ABCC4: variants seen among roughly 807,000 people sequenced by gnomAD.
ABCC4 encodes the protein ATP-binding cassette sub-family C member 4.
ABCC4 carries 102 observed loss-of-function variants against 168.5 expected under a neutral mutation model. The observed-to-expected ratio is 0.61, with a 90% CI of 0.52 to 0.71. ABCC4 has a LOEUF of 0.71. Ranked by LOEUF, ABCC4 falls within the 30% of genes least tolerant of loss-of-function variation. The pLI is 0.00. For synonymous variants in ABCC4, 617 were observed against 590.7 expected (o/e 1.04, Z -0.65); for missense variants, 1,402 against 1,605.8 (o/e 0.87, Z 2.17).
chr13:95,146,745 G>A (rs997779928), intron 19 of ABCC4, among the ~76,000 whole-genome samples: 4 of 152,196 alleles, frequency 2.6e-5, no homozygotes, highest in Non-Finnish European at 5.9e-5. Context: ...GATGAAACAA[G>A]ACAACGGAAG....
At chr13:95,190,813 T>C (rs1678374) in intron 9 of ABCC4, among the ~76,000 whole-genome samples, 76,398 of 152,076 alleles carry the variant, frequency 0.5, 21,671 homozygotes, top group African/African-American at 0.78. Context: ...TTGGAGAGAC[T>C]TGACCATGCA....
chr13:95,095,237 AC>A (rs2034552750), intron 20 of ABCC4, among the ~76,000 whole-genome samples: 1 of 152,192 alleles, frequency 6.6e-6, no homozygotes, highest in South Asian at 2.1e-4. Context: ...AAATCATGGA[AC>A]CAACCCAAAT....
At position 95,190,503 on chromosome 13, in the gene ABCC4, C is replaced by T. The variant is rs1371331169; in HGVS notation, c.1264-1961G>A. On this transcript the variant is annotated intron_variant, in intron 9 of 30. Transcript: ENST00000645237. ...GATAGTTTACCAGAGCATGATAAAC[C>T]AAAATGAGGAGGTTTCCTCTTCTCA... Among the ~76,000 whole-genome samples the T allele has an allele frequency of 2.6e-5, 4 of 151,992 alleles. No homozygotes were observed. The East Asian group carries it at 7.7e-4, about 29-fold the overall frequency.
chr13:95,074,823 C>T (rs1594053136), intron 22 of ABCC4, among the ~76,000 whole-genome samples: 2 of 152,050 alleles, frequency 1.3e-5, no homozygotes, highest in South Asian at 4.1e-4. Context: ...TGTTTGTTTG[C>T]TACTTCTTTT....
intron 1 of ABCC4, among the ~76,000 whole-genome samples, chr13:95,285,861 A>G (rs2041243212): frequency 6.6e-6 from 1 of 152,184 alleles, no homozygotes; most frequent in Admixed American, 6.6e-5. Context: ...CAGCAGAGCT[A>G]TGCCTTGTAA....
At chr13:95,286,175 A>G (rs1261608664) in intron 1 of ABCC4, among the ~76,000 whole-genome samples, 2 of 124,732 alleles carry the variant, frequency 1.6e-5, no homozygotes. Context: ...GCTGGAGTGC[A>G]GTGGCACAAT....
At chr13:95,279,496 G>A (rs1346880140) in intron 1 of ABCC4, among the ~76,000 whole-genome samples, 1 of 152,228 alleles carries the variant, frequency 6.6e-6, no homozygotes, top group Non-Finnish European at 1.5e-5. Context: ...GCCTAAAAAG[G>A]TAGGAAACTG....
At chr13:95,038,652 G>A (rs34820355) in intron 29 of ABCC4, among the ~76,000 whole-genome samples, 2 of 152,130 alleles carry the variant, frequency 1.3e-5, no homozygotes, top group African/African-American at 4.8e-5. Context: ...CAAGGGCAGG[G>A]TTATGTGCTT....
chr13:95,211,230 T>TG (rs1189400719), intron 4 of ABCC4, among the ~76,000 whole-genome samples: 1 of 152,050 alleles, frequency 6.6e-6, no homozygotes, highest in Non-Finnish European at 1.5e-5. Flanking sequence ...GATCACAGGG[T>TG]TTCAATGTGT....
chr13:95,135,416 CTTT>C (rs1226284769), intron 19 of ABCC4, among the ~76,000 whole-genome samples: 4 of 138,864 alleles, frequency 2.9e-5, no homozygotes, highest in Admixed American at 7.3e-5. Flanking sequence ...GTCCATAATT[CTTT>C]TTTTTTTTTT....
In ABCC4 at chr13:95,186,572, C is replaced by T. The variant is rs564228672; in HGVS notation, c.1545+129G>A. ...GTGTGTGTTTATTTACTGGGAGGAC[C>T]GCCTTAAAGTATTAAATAACATTCA... On this transcript the variant is annotated intron_variant, in intron 11 of 30. Transcript: ENST00000645237. 233 of 724,320 alleles carry T rather than the reference C, an allele frequency of 3.2e-4. 7 individuals are homozygous for T. The South Asian group carries it at 5.8e-3, about 18-fold the overall frequency. The allele number at this position is 724,320 out of a possible 1,614,324, so 44.9% of individuals were successfully genotyped here. A position where few individuals can be genotyped will look rare whatever the true frequency, so the allele number is the denominator to read the frequency against.
At chr13:95,049,743 T>C (rs566439382) in intron 27 of ABCC4, among the ~76,000 whole-genome samples, 1 of 152,290 alleles carries the variant, frequency 6.6e-6, no homozygotes, top group Admixed American at 6.5e-5. Flanking sequence ...GAACTTCTTT[T>C]GCATGTCAGG....
chr13:95,225,140 G>C (rs59030930), intron 4 of ABCC4, among the ~76,000 whole-genome samples: 7,441 of 69,806 alleles, frequency 0.11, 279 homozygotes, highest in South Asian at 0.34. Context: ...CTGTCTGTCT[G>C]TCTCTCTCTC....
chr13:95,076,717 G>A (rs1029505685), intron 21 of ABCC4, among the ~76,000 whole-genome samples: 2 of 151,960 alleles, frequency 1.3e-5, no homozygotes, highest in Admixed American at 6.6e-5. Context: ...TGCCCACCTC[G>A]GCCTCCCAAA....
At chr13:95,177,548 C>T (rs1302287956) in intron 13 of ABCC4, among the ~76,000 whole-genome samples, 159 bp downstream of exon 13, 2 of 152,118 alleles carry the variant, frequency 1.3e-5, no homozygotes, top group African/African-American at 4.8e-5. Flanking sequence ...TGTATTTCTG[C>T]AAAATTTCTC....
chr13:95,060,930 G>A (rs935123997), intron 26 of ABCC4, among the ~76,000 whole-genome samples: 2 of 152,068 alleles, frequency 1.3e-5, no homozygotes, highest in Admixed American at 6.6e-5. Context: ...CCCTGGTGAC[G>A]ACGCTTCTCC....
intron 30 of ABCC4, among the ~76,000 whole-genome samples, chr13:95,030,958 T>C (rs996397568): frequency 1.3e-5 from 2 of 152,236 alleles, no homozygotes; most frequent in African/African-American, 4.8e-5. Flanking sequence ...CACCAGCATT[T>C]TCAGGAAAGC....
chr13:95,110,969 GA>G (rs758996653), intron 20 of ABCC4, among the ~76,000 whole-genome samples: 11 of 38,406 alleles, frequency 2.9e-4, no homozygotes, highest in South Asian at 9.1e-4. Flanking sequence ...CCCTGTTTCA[GA>G]AAAAAAAAAA....
intron 20 of ABCC4, among the ~76,000 whole-genome samples, chr13:95,086,050 T>A (rs2034246697): frequency 6.6e-6 from 1 of 151,604 alleles, no homozygotes; most frequent in African/African-American, 2.4e-5. Context: ...GTATTTTTTA[T>A]ATTTTTGTTT....
Sources: gnomAD v4.1 joint callset for allele counts (sites outside exome capture counted in the v4.1 genomes callset) on GRCh38, gnomAD v4.1.1 for gene constraint, MANE v1.5 for transcripts, NCBI Gene and HGNC (gene_info 2026-07-23, HGNC 2026-07-21) for gene names.